Variants in SLC15A1 observed in about 807,000 individuals in gnomAD.
The protein encoded by SLC15A1 is solute carrier family 15 member 1.
Under a neutral mutation model 92.9 loss-of-function variants are expected in SLC15A1, and 83 were observed. The observed-to-expected ratio is 0.89, with a 90% CI of 0.75 to 1.07. The LOEUF (loss-of-function observed/expected upper bound fraction) is 1.07. Among genes scored for constraint, SLC15A1 ranks in the 50% least tolerant of loss-of-function variants. The pLI, the probability that SLC15A1 is intolerant of heterozygous loss-of-function variation, is 0.00. For synonymous variants in SLC15A1, 322 were observed against 318.2 expected, an observed-to-expected ratio of 1.01 and a Z score of -0.13; for missense variants, 857 against 880.1, an observed-to-expected ratio of 0.97 and a Z score of 0.33.
intron 18 of SLC15A1, among the ~76,000 whole-genome samples, chr13:98,691,234 G>C (rs1039571385): frequency 2.0e-5 from 3 of 151,970 alleles, no homozygotes; most frequent in African/African-American, 4.8e-5. Flanking sequence ...TAGTAGAGAG[G>C]GGATGTGTTA....
chr13:98,726,362 A>T lies in SLC15A1; in HGVS notation c.103+6T>A. The T allele has an allele frequency of 6.2e-7, 1 of 1,614,238 alleles. No individual in the cohort carries two copies. The highest frequency in any genetic ancestry group is 8.5e-7 in the Non-Finnish European group (1 of 1,180,030). ...CTGAAGGGTGAGAAACGGCCAATAC[A>T]GTTACCTCGCATTCCATAGTAGGAA... On this transcript the variant is annotated splice_donor_region_variant and intron_variant, in intron 3 of 22. Transcript: ENST00000376503.
rs556916466 is a variant in SLC15A1, at chr13:98,689,231, C to T, written c.1467-654G>A. 5.9e-5 allele frequency among the ~76,000 whole-genome samples: 9 copies of T among 152,262 alleles called. No individual in the cohort carries two copies. The South Asian group carries it at 1.5e-3, about 25-fold the overall frequency. On this transcript the variant is annotated intron_variant, in intron 18 of 22. Transcript: ENST00000376503. ...CTGGGATTGCAGGTGGGAGCCACTG[C>T]GCCTGGCCAGAAACTTTAGCGCTCA...
At chr13:98,735,340 A>C (rs2139604044) in intron 1 of SLC15A1, among the ~76,000 whole-genome samples, 1 of 152,344 alleles carries the variant, frequency 6.6e-6, no homozygotes, top group South Asian at 2.1e-4. Flanking sequence ...CGTATCTCAA[A>C]ATAATAAGAG....
chr13:98,710,785 G>A (rs2088154719), intron 11 of SLC15A1, among the ~76,000 whole-genome samples: 1 of 138,948 alleles, frequency 7.2e-6, no homozygotes, highest in South Asian at 2.3e-4. Context: ...TCCAGCTTGG[G>A]CAACAGAGTG....
rs552772082 is a variant in SLC15A1, at chr13:98,684,824, G to T, written c.2027C>A (p.Ala676Glu). The T allele has an allele frequency of 1.9e-5, 31 of 1,613,908 alleles. No homozygotes were observed. The highest frequency in any genetic ancestry group is 2.5e-5 in the Non-Finnish European group (29 of 1,179,998). Residue 676 changes from alanine (A) to glutamate (E), a missense_variant, in exon 23 of 23, where the codon GCG becomes GAG. By Grantham distance (107) the Ala-to-Glu change is moderately radical. Coordinates refer to ENST00000376503, the MANE Select transcript of SLC15A1 (RefSeq NM_005073.4). ...CTCATCAAATTGAGCTTCGATCTCC[G>T]CTGGGTTGATGTAAGTATAGAACCG... ...MARFYTYINPAEIEAQFDEDE... is the reference protein window; with the variant it reads ...MARFYTYINPEEIEAQFDEDE...
chr13:98,710,031 T>G (rs551069802), intron 11 of SLC15A1, 120 bp from the exon 12 acceptor site: 15 of 918,634 alleles, frequency 1.6e-5, no homozygotes, highest in Non-Finnish European at 1.0e-5. Flanking sequence ...GATTTAAAGT[T>G]GTTTTAAACA....
Position 98,712,483 on chromosome 13 carries a change from A to C in SLC15A1, c.810+15T>G. ...TGGGGGAATCAGGGTCATTGTAGCA[A>C]TGACCGTTACTTACATCGTATTTCT... is the stretch of plus-strand genomic sequence containing the variant. On this transcript the variant is annotated intron_variant, in intron 10 of 22. Transcript: ENST00000376503. 1 of 1,591,364 alleles carries C rather than the reference A, an allele frequency of 6.3e-7. No homozygotes were observed. The highest frequency in any genetic ancestry group is 8.6e-7 in the Non-Finnish European group (1 of 1,160,782).
intron 1 of SLC15A1, among the ~76,000 whole-genome samples, chr13:98,745,289 AG>A (rs1430356987): frequency 2.0e-5 from 3 of 152,156 alleles, no homozygotes; most frequent in East Asian, 3.8e-4. Context: ...ACCATGGTGG[AG>A]TTATCTTTAC....
At chr13:98,719,061 G>A (rs1364211546) in intron 8 of SLC15A1, among the ~76,000 whole-genome samples, 176 bp downstream of exon 8, 2 of 152,170 alleles carry the variant, frequency 1.3e-5, no homozygotes, top group African/African-American at 2.4e-5. Context: ...CCTCGGAATT[G>A]ATGTGCCAAT....
At chr13:98,746,275 C>G (rs2088492368) in intron 1 of SLC15A1, among the ~76,000 whole-genome samples, 1 of 152,094 alleles carries the variant, frequency 6.6e-6, no homozygotes, top group South Asian at 2.1e-4. Context: ...CTATCATTGA[C>G]AGGTATCTAG....
At chr13:98,726,595 A>C (rs2088303670) in intron 2 of SLC15A1, 146 bp from the exon 3 acceptor site, 1 of 805,856 alleles carries the variant, frequency 1.2e-6, no homozygotes, top group Non-Finnish European at 2.1e-6. Flanking sequence ...GCATTTAATC[A>C]TTTTATTCCC....
intron 9 of SLC15A1, 123 bp from the exon 10 acceptor site, chr13:98,712,707 G>A: frequency 1.6e-6 from 1 of 625,020 alleles, no homozygotes; most frequent in Non-Finnish European, 2.8e-6. Context: ...ATATACAATT[G>A]TATCTACTAG....
Position 98,684,934 on chromosome 13 carries a change from T to C in SLC15A1, c.1936-19A>G. The C allele has an allele frequency of 6.3e-7, 1 of 1,598,598 alleles. No homozygotes were observed. The highest frequency in any genetic ancestry group is 8.5e-7 in the Non-Finnish European group (1 of 1,170,994). On this transcript the variant is annotated intron_variant, in intron 22 of 22. Transcript: ENST00000376503. ...CGGCCCACTTTGAAGAAATCAGAGTTGGAGCAGGAAAAAGAACAAAAATAA... is the reference window on the plus strand; with the variant it reads ...CGGCCCACTTTGAAGAAATCAGAGTCGGAGCAGGAAAAAGAACAAAAATAA...
At chr13:98,703,705 C>CA (rs2088089090) in intron 17 of SLC15A1, among the ~76,000 whole-genome samples, 1 of 151,910 alleles carries the variant, frequency 6.6e-6, no homozygotes, top group East Asian at 1.9e-4. Context: ...GACAGGCATG[C>CA]ACCACCACAC....
At chr13:98,693,611 A>G (rs2087999771) in intron 18 of SLC15A1, among the ~76,000 whole-genome samples, 2 of 152,320 alleles carry the variant, frequency 1.3e-5, no homozygotes, top group African/African-American at 4.8e-5. Flanking sequence ...TGTATTCTGG[A>G]TATAAGTCCC....
chr13:98,746,549 C>T (rs1245961224), intron 1 of SLC15A1, among the ~76,000 whole-genome samples: 4 of 152,134 alleles, frequency 2.6e-5, no homozygotes, highest in Admixed American at 6.5e-5. Flanking sequence ...CGTTTATTTC[C>T]TCAAGAACAT....
At chr13:98,732,431 T>C (rs771172207) in intron 1 of SLC15A1, among the ~76,000 whole-genome samples, 6 of 152,132 alleles carry the variant, frequency 3.9e-5, no homozygotes, top group Non-Finnish European at 8.8e-5. Context: ...TAAGTGTATA[T>C]TATACATTTA....
chr13:98,702,867 A>G (rs1352046129), intron 17 of SLC15A1, among the ~76,000 whole-genome samples: 3 of 145,290 alleles, frequency 2.1e-5, no homozygotes, highest in Non-Finnish European at 1.5e-5. Flanking sequence ...AGGGAGAATC[A>G]TTTGTTGAAA....
Position 98,726,863 on chromosome 13 carries a change from A to T in SLC15A1, c.5-4T>A, listed in dbSNP as rs776271455. 6.2e-7 allele frequency: 1 copy of T among 1,613,294 alleles called. No homozygotes were observed. The highest frequency in any genetic ancestry group is 8.5e-7 in the Non-Finnish European group (1 of 1,179,204). The stretch of plus-strand genomic sequence containing the variant: ...CTCACGTGTGATTTGGACATTCCTA[A>T]AAGAAAAACAGAATCCCAATATTAA... On this transcript the variant is annotated splice_polypyrimidine_tract_variant and splice_region_variant and intron_variant, in intron 1 of 22. Coordinates refer to ENST00000376503, the MANE Select transcript of SLC15A1 (RefSeq NM_005073.4).
Sources: allele counts gnomAD v4.1 joint callset (sites outside exome capture counted in the v4.1 genomes callset), GRCh38; gene constraint gnomAD v4.1.1; transcripts MANE v1.5; gene names NCBI Gene and HGNC (gene_info 2026-07-23, HGNC 2026-07-21).